The following MEGF6 variants were observed in gnomAD, a reference collection of about 807,000 sequenced individuals.
MEGF6 encodes multiple EGF like domains 6.
A neutral mutation model predicts 207.1 loss-of-function variants in MEGF6; 184 were observed. The ratio of observed to expected loss-of-function variants is 0.89; its 90% CI spans 0.79 to 1.00. The LOEUF is 1.00. Among genes scored for constraint, MEGF6 ranks in the 50% least tolerant of loss-of-function variants. The probability of loss-of-function intolerance (pLI) is 0.00; values close to 1 mark genes in which losing one functional copy is unlikely to be tolerated. For missense variants in MEGF6, 2,282 were observed against 2,202.9 expected, an observed-to-expected ratio of 1.04 and a Z score of -0.72; for synonymous variants, 1,038 against 910.0, an observed-to-expected ratio of 1.14 and a Z score of -2.53.
intron 4 of MEGF6, among the ~76,000 whole-genome samples, chr1:3,533,011 C>T (rs949123388): frequency 5.3e-5 from 8 of 152,196 alleles, no homozygotes; most frequent in African/African-American, 1.7e-4. Context: ...GGGAAGCAGG[C>T]GGCCCATCCC....
intron 13 of MEGF6, 59 bp downstream of exon 13, chr1:3,508,499 C>G (rs950906721): frequency 8.2e-6 from 13 of 1,580,136 alleles, no homozygotes; most frequent in Admixed American, 1.8e-5. Flanking sequence ...AGGGCTGTCC[C>G]CAGGTCTTGG....
chr1:3,561,040 C>T (rs947694687), intron 4 of MEGF6, among the ~76,000 whole-genome samples: 4 of 152,190 alleles, frequency 2.6e-5, no homozygotes, highest in Non-Finnish European at 5.9e-5. Context: ...TGAAGGTTCT[C>T]CCCCAAGTCT....
the MEGF6 span, among the ~76,000 whole-genome samples, chr1:3,616,854 C>T: frequency 2.0e-5 from 3 of 152,172 alleles, no homozygotes; most frequent in Non-Finnish European, 2.9e-5. Flanking sequence ...TCCCAACTGC[C>T]GCCTGGCTGG....
intron 3 of MEGF6, among the ~76,000 whole-genome samples, chr1:3,587,913 G>T (rs868383067): frequency 0.093 from 327 of 3,530 alleles, 33 homozygotes; most frequent in East Asian, 0.25. Flanking sequence ...TGGCCAGGAG[G>T]GGGCAGGAGA....
intron 6 of MEGF6, among the ~76,000 whole-genome samples, chr1:3,515,126 C>A (rs1418553065): frequency 6.6e-6 from 1 of 152,216 alleles, no homozygotes. Flanking sequence ...CAGCAAAGCC[C>A]CCCCTTTCCA....
At chr1:3,510,731 G>A in intron 10 of MEGF6, 52 bp downstream of exon 10, 1 of 1,558,536 alleles carries the variant, frequency 6.4e-7, no homozygotes. Flanking sequence ...CTTCCTTAGG[G>A]CAGCCCTGCT....
chr1:3,498,113 C>T (rs940346012), intron 26 of MEGF6, among the ~76,000 whole-genome samples: 1 of 152,156 alleles, frequency 6.6e-6, no homozygotes, highest in Admixed American at 6.5e-5. Flanking sequence ...AAGCATCCTC[C>T]GTTCCACCCA....
chr1:3,499,906 A>T lies in MEGF6; in HGVS notation c.2726T>A (p.Phe909Tyr). Reference sequence around the variant, plus strand: ...GCACCGCTGCTCACAGCCGGGCCCAAAGTGGCCCTGGGGACACTCTGAGAT... The same window carrying T: ...GCACCGCTGCTCACAGCCGGGCCCATAGTGGCCCTGGGGACACTCTGAGAT... ...RCEQQCPQGH[F>Y]GPGCEQRCQC... is the part of the protein sequence containing the mutation. Residue 909 changes from phenylalanine (F) to tyrosine (Y), a missense_variant, in exon 22 of 37, where the codon TTT (phenylalanine) becomes TAT (tyrosine). Coordinates refer to ENST00000356575, the MANE Select transcript of MEGF6 (RefSeq NM_001409.4). The T allele has an allele frequency of 6.4e-7, 1 of 1,562,846 alleles. No individual in the cohort carries two copies. The highest frequency in any genetic ancestry group is 8.7e-7 in the Non-Finnish European group (1 of 1,154,562).
intron 2 of MEGF6, among the ~76,000 whole-genome samples, chr1:3,598,918 G>A (rs1289815149): frequency 1.3e-5 from 2 of 152,166 alleles, no homozygotes; most frequent in African/African-American, 4.8e-5. Context: ...CCCCCGGCCG[G>A]GTTTGTCAGG....
chr1:3,545,154 C>T (rs375083818), intron 4 of MEGF6, among the ~76,000 whole-genome samples: 4 of 152,106 alleles, frequency 2.6e-5, no homozygotes, highest in East Asian at 1.9e-4. Flanking sequence ...GTGTCCGCTG[C>T]GGGTCTTCGT....
chr1:3,490,997 A>G, intron 35 of MEGF6, 38 bp from the exon 36 acceptor site: 1 of 1,545,680 alleles, frequency 6.5e-7, no homozygotes, highest in Non-Finnish European at 8.7e-7. Context: ...TAGTACCCCC[A>G]GCCTTGAGTG....
chr1:3,510,750 AC>A, intron 10 of MEGF6, 32 bp downstream of exon 10: 1 of 1,576,354 alleles, frequency 6.3e-7, no homozygotes, highest in East Asian at 2.3e-5. Flanking sequence ...CTCCCAGGCC[AC>A]CCCAGCTGTG....
chr1:3,494,465 A>G lies in MEGF6; in HGVS notation c.4035T>C (p.His1345=). 1 of 1,579,180 alleles carries G rather than the reference A, an allele frequency of 6.3e-7. No individual in the cohort carries two copies. The stretch of plus-strand genomic sequence containing the variant: ...TGTTGTTGTGGCAGGAGCACTCCAG[A>G]TGGCAGGCGGCTCCGTAGCGCCCAG... ...CPPGRYGAAC[H]LECSCHNNST... Residue 1345 remains histidine, a synonymous_variant, in exon 32 of 37, where the codon CAT becomes CAC. Coordinates refer to ENST00000356575, the MANE Select transcript of MEGF6 (RefSeq NM_001409.4).
At chr1:3,618,691 A>G in the MEGF6 span, among the ~76,000 whole-genome samples, 1 of 152,136 alleles carries the variant, frequency 6.6e-6, no homozygotes, top group Admixed American at 6.5e-5. This position sits in a 1 kb window ranked among gnomAD's most constrained non-coding sequence, Gnocchi z 4.7. Context: ...TGTCTGCAAG[A>G]CACCACCTGA....
chr1:3,579,566 C>T (rs11585159), intron 4 of MEGF6, among the ~76,000 whole-genome samples: 2,434 of 152,328 alleles, frequency 0.016, 55 homozygotes, highest in African/African-American at 0.054. Context: ...CAGGGCTGGA[C>T]GCAGTGGGCG....
chr1:3,514,629 C>G lies in MEGF6; in HGVS notation c.774G>C (p.Arg258Ser), dbSNP rs1341065086. 1 of 1,581,666 alleles carries G rather than the reference C, an allele frequency of 6.3e-7. No individual in the cohort carries two copies. Residue 258 changes from arginine to serine, a missense_variant, in exon 7 of 37, where the codon AGG becomes AGC. Transcript: ENST00000356575. The part of the protein sequence containing the change: ...CANRNGSCMH[R>S]CQVVRGLARC... ...GGGCGAGGCCCCGGACCACCTGGCA[C>G]CTGTGCATGCAGCTGCCGTTCCTGT...
intron 4 of MEGF6, among the ~76,000 whole-genome samples, chr1:3,561,788 G>A (rs1330782868): frequency 6.6e-6 from 1 of 152,214 alleles, no homozygotes; most frequent in Non-Finnish European, 1.5e-5. Flanking sequence ...TCGCTCTCCT[G>A]ACTTCTGACA....
At position 3,494,053 on chromosome 1, in the gene MEGF6, G is replaced by C; in HGVS notation, c.4201C>G (p.Pro1401Ala). ...GGGCAGAGGCATCGGCCACTGATGG[G>C]GTCGCAGGGGGCTCCATGTTGACAC... ...CWCQHGAPCDPISGRCLCPAG... is the reference protein window; with the variant it reads ...CWCQHGAPCDAISGRCLCPAG... The change falls in exon 33 of 37, where the codon CCC (proline) becomes GCC (alanine). Residue 1401 changes from proline to alanine, a missense_variant. Physicochemically the swap from Pro to Ala is conservative, Grantham distance 27. Transcript: ENST00000356575. 1 of 1,607,330 alleles carries C rather than the reference G, an allele frequency of 6.2e-7. No homozygotes were observed. The highest frequency in any genetic ancestry group is 8.5e-7 in the Non-Finnish European group (1 of 1,177,118).
At chr1:3,586,000 TGTG>T (rs1643889100) in intron 3 of MEGF6, among the ~76,000 whole-genome samples, 1 of 142,192 alleles carries the variant, frequency 7.0e-6, no homozygotes, top group African/African-American at 2.8e-5. Flanking sequence ...TGTGTGGGTG[TGTG>T]GACACATGTC....
Sources: allele counts gnomAD v4.1 joint callset (sites outside exome capture counted in the v4.1 genomes callset), GRCh38; gene constraint gnomAD v4.1.1; non-coding constraint Gnocchi (gnomAD v3.1); transcripts MANE v1.5; gene names NCBI Gene and HGNC (gene_info 2026-07-23, HGNC 2026-07-21).